DIAPH2: variants seen among roughly 807,000 people sequenced by gnomAD.
DIAPH2 encodes the protein protein diaphanous homolog 2.
Under a neutral mutation model 92.7 loss-of-function variants are expected in DIAPH2, and 35 were observed. That is an observed-to-expected ratio of 0.38 (90% CI 0.29 to 0.50). The LOEUF (loss-of-function observed/expected upper bound fraction) is 0.50, where lower values mean the gene tolerates loss of function less well. DIAPH2 is among the 20% of genes least tolerant of loss of function. The probability of loss-of-function intolerance (pLI) is 0.94; values close to 1 mark genes in which losing one functional copy is unlikely to be tolerated. For synonymous variants in DIAPH2, 301 were observed against 280.4 expected, an observed-to-expected ratio of 1.07 and a Z score of -0.73; for missense variants, 701 against 819.5, an observed-to-expected ratio of 0.86 and a Z score of 1.77.
chrX:97,407,180 A>G (rs999797254), intron 25 of DIAPH2, among the ~76,000 whole-genome samples: 7 of 111,732 alleles, frequency 6.3e-5, no homozygotes, highest in Non-Finnish European at 1.3e-4. Flanking sequence ...TACCTGATCC[A>G]TGCCGAAAGT....
intron 26 of DIAPH2, among the ~76,000 whole-genome samples, chrX:97,546,175 A>G (rs2071180130): frequency 9.0e-6 from 1 of 111,220 alleles, no homozygotes; most frequent in Non-Finnish European, 1.9e-5. Context: ...CCTCTCCCCA[A>G]ATGAATTTTG....
At chrX:96,789,516 CA>C (rs2064483805) in intron 4 of DIAPH2, among the ~76,000 whole-genome samples, 1 of 111,991 alleles carries the variant, frequency 8.9e-6, no homozygotes, top group Non-Finnish European at 1.9e-5. Context: ...TTGCTATGTC[CA>C]CTTTTCTGCA....
intron 26 of DIAPH2, chrX:97,469,706 C>T: frequency 8.3e-7 from 1 of 1,206,520 alleles, no homozygotes. Flanking sequence ...GTAAATCATC[C>T]CTGTGCAACA....
Position 97,455,627 on chromosome X carries a change from T to G in DIAPH2, c.3241+25882T>G, listed in dbSNP as rs146047079. ...ATCTCCCTGTTGGTAGTATTACAAT[T>G]GAAGCACAGTTGTTGTTACTCATTC... On this transcript the variant is annotated intron_variant, in intron 26 of 26. Transcript: ENST00000324765. Among the ~76,000 whole-genome samples the G allele has an allele frequency of 2.9e-3, 330 of 112,538 alleles. 1 individual carries two copies. Among genetic ancestry groups the G allele is most frequent in the African/African-American group, 8.6e-3 (267 of 31,038 alleles).
chrX:97,237,347 G>C (rs2068055927), intron 22 of DIAPH2, among the ~76,000 whole-genome samples: 1 of 109,362 alleles, frequency 9.1e-6, no homozygotes, highest in Non-Finnish European at 1.9e-5. Context: ...TTGTCATAAA[G>C]GATTTATCAG....
chrX:97,238,570 G>T (rs1412179155), intron 22 of DIAPH2, among the ~76,000 whole-genome samples: 1 of 100,122 alleles, frequency 1.0e-5, no homozygotes, highest in African/African-American at 3.6e-5. Flanking sequence ...TTTTTAACAG[G>T]TTTTTTTTTT....
chrX:97,035,596 T>A (rs2066405041), intron 17 of DIAPH2, among the ~76,000 whole-genome samples: 1 of 111,986 alleles, frequency 8.9e-6, no homozygotes, highest in South Asian at 3.7e-4. Flanking sequence ...GGGAATGTGG[T>A]CATAGTGTAT....
At chrX:97,172,930 C>T (rs1602391183) in intron 22 of DIAPH2, among the ~76,000 whole-genome samples, 1 of 112,013 alleles carries the variant, frequency 8.9e-6, no homozygotes, top group Non-Finnish European at 1.9e-5. Context: ...ATATTCACGT[C>T]ATGTAGGTTT....
intron 26 of DIAPH2, among the ~76,000 whole-genome samples, chrX:97,598,305 TAG>T (rs1822561076): frequency 8.9e-6 from 1 of 111,839 alleles, no homozygotes; most frequent in Admixed American, 9.5e-5. Context: ...GCAGAGATAA[TAG>T]GATAGAATGA....
At chrX:97,312,214 T>G (rs1452605577) in intron 23 of DIAPH2, among the ~76,000 whole-genome samples, 1 of 111,039 alleles carries the variant, frequency 9.0e-6, no homozygotes, top group African/African-American at 3.3e-5. Context: ...GCTTGGAGGT[T>G]AAAAGCAAGA....
rs776270215 is a variant in DIAPH2 at position 96,830,570 on chromosome X, CAAAAAAAAAA to C, written c.448-50991_448-50982del. On this transcript the variant is annotated intron_variant, in intron 4 of 26. Transcript: ENST00000324765. ...TGGGCGACAGAGCGAGACTCAGTCT[CAAAAAAAAAA>C]AAAAAAAAAAAAAAAAATGAGCAAA... 3.8e-3 allele frequency among the ~76,000 whole-genome samples: 51 copies of C among 13,446 alleles called. 1 individual carries two copies. The highest frequency in any genetic ancestry group is 0.017 in the African/African-American group (48 of 2,768). 11.7% of individuals were successfully genotyped at this position (13,446 alleles called of 115,157 possible). A position where few individuals can be genotyped will look rare whatever the true frequency, so the allele number is the denominator to read the frequency against.
intron 25 of DIAPH2, among the ~76,000 whole-genome samples, chrX:97,404,955 C>T (rs754192087): frequency 2.9e-4 from 32 of 111,746 alleles, no homozygotes; most frequent in South Asian, 1.1e-3. Flanking sequence ...CATGTGCTTA[C>T]GATAGAAAAA....
intron 19 of DIAPH2, among the ~76,000 whole-genome samples, chrX:97,093,992 G>C (rs1199027753): frequency 1.8e-5 from 2 of 112,127 alleles, no homozygotes; most frequent in Non-Finnish European, 3.8e-5. Context: ...TGTCAGAAGT[G>C]TGACTGAAAG....
At chrX:96,875,829 A>G (rs936130632) in intron 4 of DIAPH2, among the ~76,000 whole-genome samples, 1 of 111,740 alleles carries the variant, frequency 8.9e-6, no homozygotes, top group East Asian at 2.8e-4. Context: ...AACCTAGGCA[A>G]TACCATTCAG....
At chrX:97,156,676 G>A (rs1298082798) in intron 22 of DIAPH2, among the ~76,000 whole-genome samples, 1 of 111,356 alleles carries the variant, frequency 9.0e-6, no homozygotes, top group African/African-American at 3.3e-5. Flanking sequence ...CATAAGTAGT[G>A]GATGAGGGAA....
chrX:96,804,612 A>G (rs1037565734), intron 4 of DIAPH2, among the ~76,000 whole-genome samples: 4 of 111,759 alleles, frequency 3.6e-5, no homozygotes. Flanking sequence ...ACCAAACACC[A>G]ATCATTTTAC....
At chrX:97,268,813 C>T (rs1447338442) in intron 23 of DIAPH2, among the ~76,000 whole-genome samples, 1 of 108,641 alleles carries the variant, frequency 9.2e-6, no homozygotes, top group Non-Finnish European at 1.9e-5. Flanking sequence ...GATCAAGCAG[C>T]GTTCTTGTAT....
At chrX:97,329,876 C>T (rs751847004) in intron 23 of DIAPH2, among the ~76,000 whole-genome samples, 2 of 87,116 alleles carry the variant, frequency 2.3e-5, no homozygotes, top group African/African-American at 8.2e-5. Flanking sequence ...TTTTTCTGCC[C>T]TCCCTGCATT....
chrX:97,502,563 G>A (rs1403676255), intron 26 of DIAPH2, among the ~76,000 whole-genome samples: 1 of 112,111 alleles, frequency 8.9e-6, no homozygotes, highest in Non-Finnish European at 1.9e-5. Flanking sequence ...TCTGTAACAG[G>A]TCTACAGATT....
Sources: allele counts gnomAD v4.1 joint callset (sites outside exome capture counted in the v4.1 genomes callset), GRCh38; gene constraint gnomAD v4.1.1; transcripts MANE v1.5; gene names NCBI Gene and HGNC (gene_info 2026-07-23, HGNC 2026-07-21).